TMEM117: variants seen among roughly 807,000 people sequenced by gnomAD.
The protein encoded by TMEM117 is transmembrane protein 117.
Under a neutral mutation model 52.4 loss-of-function variants are expected in TMEM117, and 27 were observed. That is an observed-to-expected ratio of 0.51 (90% CI 0.38 to 0.71). The LOEUF is 0.71. TMEM117 is among the 30% of genes least tolerant of loss of function. The pLI, the probability that TMEM117 is intolerant of heterozygous loss-of-function variation, is 0.00. For missense variants in TMEM117, 556 were observed against 630.5 expected, an observed-to-expected ratio of 0.88 and a Z score of 1.26; for synonymous variants, 215 against 206.3, an observed-to-expected ratio of 1.04 and a Z score of -0.36.
intron 5 of TMEM117, among the ~76,000 whole-genome samples, chr12:44,234,853 T>G (rs1358877318): frequency 6.6e-6 from 1 of 151,570 alleles, no homozygotes; most frequent in Non-Finnish European, 1.5e-5. Context: ...AGACATACTT[T>G]ATATCTCTTT....
intron 2 of TMEM117, among the ~76,000 whole-genome samples, chr12:43,865,104 C>A (rs1004034193): frequency 6.6e-6 from 1 of 152,138 alleles, no homozygotes; most frequent in Admixed American, 6.5e-5. Context: ...AACTCCGGAC[C>A]CGCTGCCTTT....
the TMEM117 span, among the ~76,000 whole-genome samples, chr12:43,815,163 G>A: frequency 6.6e-6 from 1 of 152,188 alleles, no homozygotes; most frequent in South Asian, 2.1e-4. Flanking sequence ...ACATCTTGCA[G>A]GTGATGTTGG....
At chr12:44,085,412 G>A (rs535350431) in intron 3 of TMEM117, among the ~76,000 whole-genome samples, 2 of 152,138 alleles carry the variant, frequency 1.3e-5, no homozygotes, top group African/African-American at 2.4e-5. Flanking sequence ...TTCAAAGTAC[G>A]AATCCAAATA....
At chr12:44,051,469 T>G (rs1042097450) in intron 3 of TMEM117, among the ~76,000 whole-genome samples, 72 of 152,210 alleles carry the variant, frequency 4.7e-4, no homozygotes, top group African/African-American at 1.7e-3. Flanking sequence ...CAAAAGTATA[T>G]AATTAAAAAT....
intron 3 of TMEM117, among the ~76,000 whole-genome samples, chr12:44,091,112 G>A (rs1366565975): frequency 6.6e-6 from 1 of 152,066 alleles, no homozygotes; most frequent in African/African-American, 2.4e-5. Context: ...CTCATGGTGG[G>A]AGGTGAAAGG....
chr12:43,889,145 T>C lies in TMEM117; in HGVS notation c.277+44217T>C, dbSNP rs139946355. Among the ~76,000 whole-genome samples, 1,220 of 151,510 alleles carry C rather than the reference T, an allele frequency of 8.1e-3. 27 individuals carry two copies. Among genetic ancestry groups the C allele is most frequent in the East Asian group, 0.042 (212 of 5,092 alleles). On this transcript the variant is annotated intron_variant, in intron 2 of 7. Coordinates refer to ENST00000266534, the MANE Select transcript of TMEM117 (RefSeq NM_032256.3). ...TCACCCAAGCTGGAGTGCAATGGCA[T>C]GATCTTGGCTCACTGCAACCTCCGC...
chr12:43,806,402 T>TCCCCGCCG, the TMEM117 span: 284 of 1,167,216 alleles, frequency 2.4e-4, no homozygotes, highest in Middle Eastern at 3.5e-4. Flanking sequence ...TGCCCGAGCG[T>TCCCCGCCG]CCCCGCCGCC....
intron 2 of TMEM117, among the ~76,000 whole-genome samples, chr12:43,883,766 A>AAAAAAC (rs1943939455): frequency 1.3e-5 from 2 of 151,608 alleles, no homozygotes; most frequent in East Asian, 3.9e-4. Context: ...AAAGACAAAA[A>AAAAAAC]AAAAAACAAA....
At chr12:44,023,259 A>G (rs1247417990) in intron 3 of TMEM117, among the ~76,000 whole-genome samples, 2 of 152,158 alleles carry the variant, frequency 1.3e-5, no homozygotes, top group Non-Finnish European at 2.9e-5. Context: ...AGTCTTTGCT[A>G]TTGTGAATAG....
At chr12:44,291,130 G>A (rs911069132) in intron 5 of TMEM117, among the ~76,000 whole-genome samples, 1 of 152,064 alleles carries the variant, frequency 6.6e-6, no homozygotes, top group African/African-American at 2.4e-5. Context: ...CTGAAGATAG[G>A]AAGTATTCCA....
chr12:43,904,302 A>G (rs957808352), intron 2 of TMEM117, among the ~76,000 whole-genome samples: 4 of 152,146 alleles, frequency 2.6e-5, no homozygotes, highest in African/African-American at 9.7e-5. Flanking sequence ...TGAGCCCAGG[A>G]GTTCAAGGCT....
chr12:43,889,526 T>C (rs1361836307), intron 2 of TMEM117, among the ~76,000 whole-genome samples: 1 of 152,252 alleles, frequency 6.6e-6, no homozygotes, highest in Non-Finnish European at 1.5e-5. Context: ...CAGCCACTCA[T>C]CTGCTGCGCA....
At chr12:44,256,252 A>G (rs1950259262) in intron 5 of TMEM117, among the ~76,000 whole-genome samples, 1 of 151,958 alleles carries the variant, frequency 6.6e-6, no homozygotes, top group African/African-American at 2.4e-5. Flanking sequence ...TGCATATAAA[A>G]CAATGTATGT....
At chr12:44,087,181 C>T (rs1947585294) in intron 3 of TMEM117, among the ~76,000 whole-genome samples, 1 of 151,420 alleles carries the variant, frequency 6.6e-6, no homozygotes, top group Non-Finnish European at 1.5e-5. Context: ...ACTTTAGTTC[C>T]AAATTATGTA....
rs544968255 is a variant in TMEM117, at chr12:44,371,868, T to C, written c.769-4727T>C. Among the ~76,000 whole-genome samples the C allele has an allele frequency of 3.3e-5, 5 of 152,344 alleles. No individual in the cohort carries two copies. The South Asian group carries it at 6.2e-4, about 19-fold the overall frequency. On this transcript the variant is annotated intron_variant, in intron 6 of 7. Transcript: ENST00000266534. ...GGATCAGTAACTGATTTTCATTGCATAGGCAAAAGTAAACCATCCATATAT... is the reference window on the plus strand; with the variant it reads ...GGATCAGTAACTGATTTTCATTGCACAGGCAAAAGTAAACCATCCATATAT...
intron 6 of TMEM117, among the ~76,000 whole-genome samples, chr12:44,342,277 A>C (rs560590747): frequency 2.0e-5 from 3 of 152,262 alleles, no homozygotes; most frequent in East Asian, 3.9e-4. Flanking sequence ...GCTTTACTAC[A>C]TCTCTGCTTC....
chr12:43,805,932 G>A, the TMEM117 span: 2 of 1,525,208 alleles, frequency 1.3e-6, no homozygotes, highest in Admixed American at 1.7e-5. Flanking sequence ...GGGGACGGTG[G>A]AAGGCACGCC....
At chr12:44,083,621 C>T (rs1276514899) in intron 3 of TMEM117, 1 of 151,844 alleles carries the variant, frequency 6.6e-6, no homozygotes, top group Non-Finnish European at 1.5e-5. Flanking sequence ...TCAGGTTGCT[C>T]TTGAACTCCT....
At chr12:43,804,164 T>C in the TMEM117 span, 1 of 389,238 alleles carries the variant, frequency 2.6e-6, no homozygotes, top group Non-Finnish European at 5.1e-6. Context: ...ATTTTTTTTT[T>C]TTGATAATCA....
Sources: gnomAD v4.1 joint callset for allele counts (sites outside exome capture counted in the v4.1 genomes callset) on GRCh38, gnomAD v4.1.1 for gene constraint, MANE v1.5 for transcripts, NCBI Gene and HGNC (gene_info 2026-07-23, HGNC 2026-07-21) for gene names.